The following B3GAT2 variants were observed in gnomAD, a reference collection of about 807,000 sequenced individuals.
B3GAT2 encodes the protein galactosylgalactosylxylosylprotein 3-beta-glucuronosyltransferase 2.
In B3GAT2, 26 loss-of-function variants were observed where a neutral mutation model predicts 27.8. The ratio of observed to expected loss-of-function variants is 0.93; its 90% CI spans 0.68 to 1.30. The LOEUF (loss-of-function observed/expected upper bound fraction) is 1.30, where lower values mean the gene tolerates loss of function less well. Ranked by LOEUF, B3GAT2 falls within the 50% of genes most tolerant of loss-of-function variation. B3GAT2 has a pLI of 0.00. For missense variants in B3GAT2, 458 were observed against 459.0 expected, an observed-to-expected ratio of 1.00 and a Z score of 0.02; for synonymous variants, 218 against 195.1, an observed-to-expected ratio of 1.12 and a Z score of -0.98.
At chr6:70,871,471 T>C (rs987958207) in intron 2 of B3GAT2, among the ~76,000 whole-genome samples, 9 of 151,896 alleles carry the variant, frequency 5.9e-5, no homozygotes, top group African/African-American at 2.2e-4. Context: ...ACAGTTTTAA[T>C]AGTCATTCCA....
At chr6:70,940,788 C>A (rs867218049) in intron 1 of B3GAT2, among the ~76,000 whole-genome samples, 1 of 152,218 alleles carries the variant, frequency 6.6e-6, no homozygotes, top group Non-Finnish European at 1.5e-5. Context: ...ATTAGCCAGG[C>A]ATGATGGCTT....
At chr6:70,869,948 G>A (rs1046814959) in intron 2 of B3GAT2, among the ~76,000 whole-genome samples, 62 of 152,240 alleles carry the variant, frequency 4.1e-4, no homozygotes, top group Non-Finnish European at 1.8e-4. Flanking sequence ...TGGTGGGACT[G>A]TAAACTAGTA....
intron 2 of B3GAT2, among the ~76,000 whole-genome samples, chr6:70,892,364 C>A (rs1031609825): frequency 1.3e-5 from 2 of 152,156 alleles, no homozygotes; most frequent in Admixed American, 6.5e-5. Context: ...CTATTTGATA[C>A]CTGATCATCT....
At position 70,915,896 on chromosome 6, in the gene B3GAT2, G is replaced by A. The variant is rs143888760; in HGVS notation, c.592-21624C>T. Among the ~76,000 whole-genome samples, 737 of 152,136 alleles carry A rather than the reference G, an allele frequency of 4.8e-3. 16 individuals carry two copies. In the East Asian group the frequency reaches 0.086, roughly 18 times the overall value. On this transcript the variant is annotated intron_variant, in intron 1 of 3. Coordinates refer to ENST00000230053, the MANE Select transcript of B3GAT2 (RefSeq NM_080742.3). Reference sequence around the variant, plus strand: ...GTCTTGGCTATGTGGGCTCTTTTTTGGTTCCATATGAGCTTTAAAGTAGTT... The same window carrying A: ...GTCTTGGCTATGTGGGCTCTTTTTTAGTTCCATATGAGCTTTAAAGTAGTT...
At chr6:70,950,812 C>A (rs1470327523) in intron 1 of B3GAT2, among the ~76,000 whole-genome samples, 2 of 152,130 alleles carry the variant, frequency 1.3e-5, no homozygotes, top group Non-Finnish European at 2.9e-5. Context: ...AAATAATACA[C>A]GTAAAACCCT....
chr6:70,918,110 G>T (rs911181597), intron 1 of B3GAT2, among the ~76,000 whole-genome samples: 5 of 152,050 alleles, frequency 3.3e-5, no homozygotes, highest in African/African-American at 9.7e-5. Flanking sequence ...TATATATTTA[G>T]GATAGTTAGC....
intron 1 of B3GAT2, among the ~76,000 whole-genome samples, chr6:70,927,350 C>T (rs1432987031): frequency 2.0e-5 from 3 of 152,124 alleles, no homozygotes. Flanking sequence ...TGTAAATGGG[C>T]TAAAAGCCCC....
intron 1 of B3GAT2, among the ~76,000 whole-genome samples, chr6:70,937,023 G>A (rs1276402983): frequency 6.6e-6 from 1 of 151,776 alleles, no homozygotes; most frequent in Admixed American, 6.6e-5. Context: ...TAATAAAGAA[G>A]AAAAGAGAGA....
chr6:70,933,127 T>C (rs931100350), intron 1 of B3GAT2, among the ~76,000 whole-genome samples: 9 of 152,292 alleles, frequency 5.9e-5, no homozygotes, highest in Non-Finnish European at 1.0e-4. Flanking sequence ...TCACTAGATT[T>C]ACAAGAGCCA....
chr6:70,894,212 C>G lies in B3GAT2; in HGVS notation c.652G>C (p.Glu218Gln). The G allele has an allele frequency of 6.2e-7, 1 of 1,613,876 alleles. No homozygotes were observed. The highest frequency in any genetic ancestry group is 8.5e-7 in the Non-Finnish European group (1 of 1,179,822). Residue 218 changes from glutamate (E) to glutamine (Q), a missense_variant, in exon 2 of 4, where the codon GAA becomes CAA. By Grantham distance (29) the Glu-to-Gln change is conservative. Transcript: ENST00000230053. ...PVGLVGGRRYERPLVENGKVV... is the reference protein window; with the variant it reads ...PVGLVGGRRYQRPLVENGKVV... The stretch of plus-strand genomic sequence containing the variant: ...TTGCCGTTTTCCACCAGCGGACGTT[C>G]GTAGCGCCGCCCACCAACCAGGCCC...
chr6:70,931,263 C>T (rs1444177275), intron 1 of B3GAT2, among the ~76,000 whole-genome samples: 4 of 151,984 alleles, frequency 2.6e-5, no homozygotes, highest in Admixed American at 6.5e-5. Flanking sequence ...AGCACACCAA[C>T]GTGGCACATA....
chr6:70,922,304 C>T (rs946879264), intron 1 of B3GAT2, among the ~76,000 whole-genome samples: 1 of 152,164 alleles, frequency 6.6e-6, no homozygotes, highest in Non-Finnish European at 1.5e-5. Flanking sequence ...AGAATAAGCA[C>T]ATGAAATATC....
rs184794553 is a variant in B3GAT2 at position 70,857,323 on chromosome 6, T to C, written c.*4340A>G. ...TCTTTGATGAATTATTGAAACGATT[T>C]GCATGAAGTTTATGACTGCGTACAG... On this transcript the variant is annotated 3_prime_UTR_variant, in exon 4 of 4. Transcript: ENST00000230053. 2 of 231,758 alleles carry C rather than the reference T, an allele frequency of 8.6e-6. No individual in the cohort carries two copies. Among genetic ancestry groups the C allele is most frequent in the African/African-American group, 4.5e-5 (2 of 44,522 alleles). 14.4% of individuals were successfully genotyped at this position (231,758 alleles called of 1,614,324 possible). A position where few individuals can be genotyped will look rare whatever the true frequency, so the allele number is the denominator to read the frequency against.
chr6:70,890,147 C>T (rs746074584), intron 2 of B3GAT2, among the ~76,000 whole-genome samples: 5 of 152,112 alleles, frequency 3.3e-5, no homozygotes, highest in Non-Finnish European at 7.4e-5. Flanking sequence ...ACCAAGGGTC[C>T]TCCTCTTCCC....
Position 70,856,820 on chromosome 6 carries a change from T to G in B3GAT2, c.*4843A>C, listed in dbSNP as rs1048467630. ...AAGTAATGGATAAGCTGCGCTTTAC[T>G]ATGCAGAATTTGATAGCTTATTTTG... On this transcript the variant is annotated 3_prime_UTR_variant, in exon 4 of 4. Coordinates refer to ENST00000230053, the MANE Select transcript of B3GAT2 (RefSeq NM_080742.3). 1.9e-6 allele frequency: 3 copies of G among 1,550,668 alleles called. No individual in the cohort carries two copies. In the African/African-American group the frequency reaches 4.1e-5, roughly 21 times the overall value.
At chr6:70,949,204 T>C (rs1035721934) in intron 1 of B3GAT2, among the ~76,000 whole-genome samples, 1 of 151,606 alleles carries the variant, frequency 6.6e-6, no homozygotes, top group Non-Finnish European at 1.5e-5. Flanking sequence ...AATTGACAAA[T>C]GGGATCTAAT....
rs1444207931 is a variant in B3GAT2 at position 70,956,752 on chromosome 6, C to A, written c.-323G>T. ...GGAGTTGTGCCGAGTGCGGGAAAGG[C>A]GCTGATCCCCACCGCGCTCTTTCTG... On this transcript the variant is annotated 5_prime_UTR_variant, in exon 1 of 4. Transcript: ENST00000230053. 2 of 1,248,718 alleles carry A rather than the reference C, an allele frequency of 1.6e-6. No individual in the cohort carries two copies. The highest frequency in any genetic ancestry group is 2.0e-6 in the Non-Finnish European group (2 of 992,628). The allele number at this position is 1,248,718 out of a possible 1,614,324, so 77.4% of individuals were successfully genotyped here. A position where few individuals can be genotyped will look rare whatever the true frequency, so the allele number is the denominator to read the frequency against.
chr6:70,956,711 G>C lies in B3GAT2; in HGVS notation c.-282C>G, dbSNP rs1179717357. The C allele has an allele frequency of 3.0e-6, 4 of 1,342,106 alleles. No homozygotes were observed. In the African/African-American group the frequency reaches 6.2e-5, roughly 21 times the overall value. 83.1% of individuals were successfully genotyped at this position (1,342,106 alleles called of 1,614,324 possible). A position where few individuals can be genotyped will look rare whatever the true frequency, so the allele number is the denominator to read the frequency against. On this transcript the variant is annotated 5_prime_UTR_variant, in exon 1 of 4. Coordinates refer to ENST00000230053, the MANE Select transcript of B3GAT2 (RefSeq NM_080742.3). ...GCGGGAAGCGGGACTCGGTCCAGCC[G>C]CGCGCCGCCGGTCCCGGAGTTGTGC... is the stretch of plus-strand genomic sequence containing the variant.
chr6:70,904,510 TGGAGAAGA>T (rs1261227641), intron 1 of B3GAT2, among the ~76,000 whole-genome samples: 1 of 152,166 alleles, frequency 6.6e-6, no homozygotes, highest in Non-Finnish European at 1.5e-5. Context: ...CAGGTCTCCT[TGGAGAAGA>T]GGCTGATTTC....
Sources: allele counts gnomAD v4.1 joint callset (sites outside exome capture counted in the v4.1 genomes callset), GRCh38; gene constraint gnomAD v4.1.1; transcripts MANE v1.5; gene names NCBI Gene and HGNC (gene_info 2026-07-23, HGNC 2026-07-21).